Variants in ANAPC15 observed in about 807,000 individuals in gnomAD.
ANAPC15 encodes the protein anaphase promoting complex subunit 15.
ANAPC15 carries 13 observed loss-of-function variants against 19.8 expected under a neutral mutation model. That is an observed-to-expected ratio of 0.66 (90% CI 0.43 to 1.04). The LOEUF is 1.04. ANAPC15 is among the 50% of genes least tolerant of loss of function. The pLI, the probability that ANAPC15 is intolerant of heterozygous loss-of-function variation, is 0.00. For missense variants in ANAPC15, 88 were observed against 150.3 expected (o/e 0.59, Z 2.17); for synonymous variants, 45 against 50.7 (o/e 0.89, Z 0.47).
chr11:72,112,430 G>A (rs1056045310), intron 1 of ANAPC15: 1 of 266,662 alleles, frequency 3.8e-6, no homozygotes, highest in Non-Finnish European at 7.8e-6. Flanking sequence ...TTAACTGAAA[G>A]AAATGCTGGG....
At chr11:72,109,485 A>T, downstream of ANAPC15, 1 of 386,242 alleles carries the variant, frequency 2.6e-6, no homozygotes, top group Non-Finnish European at 5.1e-6. Context: ...CCACCTAGCC[A>T]ATTAGGTGTG....
intron 3 of ANAPC15, among the ~76,000 whole-genome samples, 172 bp downstream of exon 3, chr11:72,110,985 T>C (rs1946710226): frequency 6.6e-6 from 1 of 152,196 alleles, no homozygotes. Flanking sequence ...CCCTGTAAAA[T>C]AGGGTACCAC....
downstream of ANAPC15, chr11:72,107,371 A>G (rs1236893079): frequency 1.5e-6 from 1 of 667,488 alleles, no homozygotes; most frequent in South Asian, 1.6e-5. Flanking sequence ...CCTTTCATAA[A>G]TCTGAAAGAT....
At chr11:72,110,657 G>T (rs1946560574) in intron 3 of ANAPC15, 54 bp from the exon 4 acceptor site, 1 of 1,608,228 alleles carries the variant, frequency 6.2e-7, no homozygotes, top group African/African-American at 1.3e-5. Context: ...GGCAGGTCAG[G>T]GGCATGGGAC....
downstream of ANAPC15, chr11:72,106,541 T>C: frequency 4.8e-6 from 1 of 206,862 alleles, no homozygotes; most frequent in East Asian, 1.1e-4. Flanking sequence ...TTTGTAATTA[T>C]CTGTCTCCAC....
Position 72,109,806 on chromosome 11 carries a change from C to T in ANAPC15, c.*75G>A. 6.3e-7 allele frequency: 1 copy of T among 1,581,624 alleles called. No homozygotes were observed. The highest frequency in any genetic ancestry group is 1.7e-5 in the Admixed American group (1 of 59,942). ...TGGGGCCATCAGCTGGTTCTGTGGG[C>T]AGGGGTTGGGGGTTGGGATGCAGGG... On this transcript the variant is annotated 3_prime_UTR_variant, in exon 6 of 6. Transcript: ENST00000227618.
downstream of ANAPC15, chr11:72,106,530 CTTTGTAATTAT>C: frequency 4.4e-6 from 1 of 227,916 alleles, no homozygotes; most frequent in Non-Finnish European, 8.5e-6. Context: ...TAACCCATAG[CTTTGTAATTAT>C]CTGTCTCCAC....
intron 4 of ANAPC15, 27 bp downstream of exon 4, chr11:72,110,517 C>T: frequency 6.2e-7 from 1 of 1,613,856 alleles, no homozygotes; most frequent in South Asian, 1.1e-5. Flanking sequence ...GGCCCCCACA[C>T]AGGCCCCACC....
chr11:72,109,143 G>A (rs1234907011), downstream of ANAPC15: 1 of 565,584 alleles, frequency 1.8e-6, no homozygotes, highest in Non-Finnish European at 3.2e-6. Context: ...TCTTTCCAGA[G>A]AGAACCATGG....
chr11:72,110,629 A>C (rs1485407789), intron 3 of ANAPC15, 26 bp from the exon 4 acceptor site: 4 of 1,614,022 alleles, frequency 2.5e-6, no homozygotes, highest in Non-Finnish European at 3.4e-6. Context: ...CAGAGGAACA[A>C]GGCCAGAGCC....
At chr11:72,107,804 C>T (rs748999528), downstream of ANAPC15, 221 of 1,101,722 alleles carry the variant, frequency 2.0e-4, no homozygotes, top group Middle Eastern at 8.4e-4. Flanking sequence ...GTACAAGAGA[C>T]AGATGAGACC....
rs1555056375 is a variant in ANAPC15, at chr11:72,111,107, A to AAGTCTCTGTCTGTGCTGG, written c.120+49_120+50insCCAGCACAGACAGAGACT. 3.8e-6 allele frequency: 4 copies of AAGTCTCTGTCTGTGCTGG among 1,051,890 alleles called. No individual in the cohort carries two copies. The African/African-American group carries it at 1.3e-4, about 34-fold the overall frequency. The allele number at this position is 1,051,890 out of a possible 1,614,324, so 65.2% of individuals were successfully genotyped here. A position where few individuals can be genotyped will look rare whatever the true frequency, so the allele number is the denominator to read the frequency against. ...AGGCTGGGTCATGGCCCACTGAAGG[A>AAGTCTCTGTCTGTGCTGG]GGTCTCTGTCTGTGCTGAGGTCTCT... On this transcript the variant is annotated intron_variant, in intron 3 of 5. Coordinates refer to ENST00000227618, the MANE Select transcript of ANAPC15 (RefSeq NM_014042.3).
chr11:72,108,251 T>C, downstream of ANAPC15: 1 of 777,604 alleles, frequency 1.3e-6, no homozygotes, highest in Non-Finnish European at 1.9e-6. Flanking sequence ...GGATGGTGTG[T>C]GAGCTCCTGC....
downstream of ANAPC15, chr11:72,108,046 C>G: frequency 6.4e-7 from 1 of 1,551,310 alleles, no homozygotes; most frequent in Non-Finnish European, 8.7e-7. Context: ...CGCCTTCTTA[C>G]TGTGGAGCGG....
At chr11:72,111,011 GCT>G (rs1946718134) in intron 3 of ANAPC15, 144 bp downstream of exon 3, 2 of 655,412 alleles carry the variant, frequency 3.1e-6, no homozygotes. Context: ...GAGAACCTTG[GCT>G]CCCTGGCTCC....
downstream of ANAPC15, chr11:72,108,479 G>A (rs1375185417): frequency 3.9e-6 from 3 of 777,390 alleles, no homozygotes; most frequent in Non-Finnish European, 3.9e-6. Flanking sequence ...GAGGTCAGAG[G>A]AAATGTGAGA....
rs189859228 is a variant in ANAPC15 at position 72,112,663 on chromosome 11, T to A, written c.-109A>T. 6.2e-4 allele frequency: 284 copies of A among 456,688 alleles called. No homozygotes were observed. The highest frequency in any genetic ancestry group is 5.4e-3 in the African/African-American group (272 of 50,172). The allele number at this position is 456,688 out of a possible 1,614,324, so 28.3% of individuals were successfully genotyped here. A position where few individuals can be genotyped will look rare whatever the true frequency, so the allele number is the denominator to read the frequency against. On this transcript the variant is annotated 5_prime_UTR_variant, in exon 1 of 6. Coordinates refer to ENST00000227618, the MANE Select transcript of ANAPC15 (RefSeq NM_014042.3). ...GTCTGTACTTACCGCGCCGGGAGGC[T>A]GCTGCCGGCGGCGACCCGGAAGCGC...
chr11:72,107,941 T>C, downstream of ANAPC15: 2 of 1,551,716 alleles, frequency 1.3e-6, no homozygotes, highest in Non-Finnish European at 8.7e-7. Context: ...CTGATGCGGC[T>C]GGTGGAGGAG....
upstream of ANAPC15, chr11:72,112,726 G>C (rs1044613440): frequency 2.2e-6 from 1 of 456,612 alleles, no homozygotes; most frequent in Non-Finnish European, 4.4e-6. Flanking sequence ...CCAGAATCCG[G>C]GACTCACCAA....
Sources: gnomAD v4.1 joint callset for allele counts (sites outside exome capture counted in the v4.1 genomes callset) on GRCh38, gnomAD v4.1.1 for gene constraint, MANE v1.5 for transcripts, NCBI Gene and HGNC (gene_info 2026-07-23, HGNC 2026-07-21) for gene names.